Variants in NME7 observed in about 807,000 individuals in gnomAD.
NME7 encodes NME/NM23 family member 7.
A neutral mutation model predicts 49.1 loss-of-function variants in NME7; 41 were observed. That is an observed-to-expected ratio of 0.83 (90% CI 0.65 to 1.08). The LOEUF is 1.08. Among genes scored for constraint, NME7 ranks in the 50% least tolerant of loss-of-function variants. NME7 has a pLI of 0.00. For synonymous variants in NME7, 139 were observed against 150.6 expected (o/e 0.92, Z 0.56); for missense variants, 423 against 463.4 (o/e 0.91, Z 0.80).
At chr1:169,325,978 T>A (rs1652045231) in intron 1 of NME7, among the ~76,000 whole-genome samples, 2 of 152,070 alleles carry the variant, frequency 1.3e-5, no homozygotes, top group South Asian at 4.1e-4. Context: ...ATTCTAGTAT[T>A]GTACTCACCT....
chr1:169,258,360 T>G (rs1028810610), intron 7 of NME7, among the ~76,000 whole-genome samples: 1 of 75,440 alleles, frequency 1.3e-5, no homozygotes, highest in Non-Finnish European at 3.1e-5. Flanking sequence ...AAAAATAAAA[T>G]AAAATAAAAT....
At chr1:169,294,295 A>G (rs1650623805) in intron 6 of NME7, among the ~76,000 whole-genome samples, 1 of 152,174 alleles carries the variant, frequency 6.6e-6, no homozygotes, top group Admixed American at 6.6e-5. Flanking sequence ...CTGAAAGGAC[A>G]AGTGAAGGAA....
intron 11 of NME7, among the ~76,000 whole-genome samples, chr1:169,154,028 T>A (rs10800407): frequency 0.38 from 57,398 of 151,486 alleles, 11,316 homozygotes; most frequent in East Asian, 0.74. Context: ...CACATTTTAT[T>A]TTTTGAAACA....
chr1:169,336,809 A>T, intron 1 of NME7, among the ~76,000 whole-genome samples: 1 of 132,818 alleles, frequency 7.5e-6, no homozygotes, highest in Non-Finnish European at 1.6e-5. Flanking sequence ...AGACATAAAG[A>T]TTCTCCAAGG....
intron 10 of NME7, among the ~76,000 whole-genome samples, chr1:169,215,407 T>C (rs368062034): frequency 3.3e-5 from 5 of 152,232 alleles, no homozygotes; most frequent in East Asian, 1.9e-4. Flanking sequence ...ACCAGGCAAA[T>C]AGGGATAGAA....
At chr1:169,328,395 G>A (rs148611424) in intron 1 of NME7, among the ~76,000 whole-genome samples, 2 of 152,224 alleles carry the variant, frequency 1.3e-5, no homozygotes, top group African/African-American at 4.8e-5. Flanking sequence ...CGATGATGGT[G>A]GCTTATAGGT....
intron 7 of NME7, among the ~76,000 whole-genome samples, chr1:169,255,982 T>C (rs1453887283): frequency 7.5e-6 from 1 of 133,206 alleles, no homozygotes; most frequent in Non-Finnish European, 1.8e-5. Context: ...CCTTTCTCTC[T>C]GGCTGCCCTT....
intron 10 of NME7, among the ~76,000 whole-genome samples, chr1:169,221,867 G>A (rs988887450): frequency 1.3e-5 from 2 of 151,872 alleles, no homozygotes; most frequent in Non-Finnish European, 2.9e-5. Flanking sequence ...TTGTAGAGAT[G>A]AGGTTTTACC....
chr1:169,132,890 GT>G, intron 11 of NME7, 73 bp from the exon 12 acceptor site: 4 of 1,279,516 alleles, frequency 3.1e-6, no homozygotes, highest in Non-Finnish European at 4.5e-6. Flanking sequence ...AGTCCAAGAG[GT>G]TGGTCAGGAC....
At chr1:169,296,400 T>A (rs2101904298) in intron 6 of NME7, among the ~76,000 whole-genome samples, 1 of 152,286 alleles carries the variant, frequency 6.6e-6, no homozygotes, top group African/African-American at 2.4e-5. Flanking sequence ...CAGGACATAA[T>A]TATCTCTCAG....
At chr1:169,281,727 T>G (rs958531327) in intron 7 of NME7, among the ~76,000 whole-genome samples, 1 of 152,172 alleles carries the variant, frequency 6.6e-6, no homozygotes, top group African/African-American at 2.4e-5. Flanking sequence ...TTGTCATTGG[T>G]TTTGTTTATG....
intron 1 of NME7, among the ~76,000 whole-genome samples, chr1:169,359,292 T>C (rs77669874): frequency 5.0e-4 from 76 of 152,164 alleles, no homozygotes; most frequent in African/African-American, 1.8e-3. Context: ...TTTTTTTTTT[T>C]CAAATATTTT....
chr1:169,264,284 A>G (rs545194601), intron 7 of NME7, among the ~76,000 whole-genome samples: 1 of 134,598 alleles, frequency 7.4e-6, no homozygotes, highest in South Asian at 2.3e-4. Context: ...AAATGCCCCA[A>G]TTAAAAGGCA....
At chr1:169,283,049 T>C (rs1397204642) in intron 7 of NME7, among the ~76,000 whole-genome samples, 1 of 152,122 alleles carries the variant, frequency 6.6e-6, no homozygotes, top group African/African-American at 2.4e-5. Context: ...ACTGGGGTGT[T>C]AAATTCTCCC....
chr1:169,173,445 A>G (rs1659660912), intron 10 of NME7, among the ~76,000 whole-genome samples: 1 of 152,106 alleles, frequency 6.6e-6, no homozygotes, highest in African/African-American at 2.4e-5. Context: ...ACTGATATAA[A>G]ATGTTTTATT....
At chr1:169,176,082 A>G (rs1043533211) in intron 10 of NME7, among the ~76,000 whole-genome samples, 16 of 152,162 alleles carry the variant, frequency 1.1e-4, no homozygotes, top group African/African-American at 3.9e-4. Flanking sequence ...CCCATCAAAC[A>G]GCTTTTCCCA....
At chr1:169,278,754 G>C (rs1468460554) in intron 7 of NME7, among the ~76,000 whole-genome samples, 2 of 152,162 alleles carry the variant, frequency 1.3e-5, no homozygotes, top group Non-Finnish European at 2.9e-5. Flanking sequence ...GAGGAGGAGA[G>C]GCACTCTGCT....
chr1:169,313,749 C>A (rs1323056221), intron 3 of NME7, among the ~76,000 whole-genome samples: 1 of 152,030 alleles, frequency 6.6e-6, no homozygotes, highest in Non-Finnish European at 1.5e-5. Context: ...GAGAGACCCA[C>A]AAATACTTCA....
chr1:169,163,818 A>T (rs1571255892), intron 11 of NME7, among the ~76,000 whole-genome samples: 1 of 152,300 alleles, frequency 6.6e-6, no homozygotes, highest in East Asian at 1.9e-4. Context: ...GTTTAAAAAA[A>T]TTAGAATCTT....
Sources: gnomAD v4.1 joint callset for allele counts (sites outside exome capture counted in the v4.1 genomes callset) on GRCh38, gnomAD v4.1.1 for gene constraint, MANE v1.5 for transcripts, NCBI Gene and HGNC (gene_info 2026-07-23, HGNC 2026-07-21) for gene names.